The following MXI1 variants were observed in gnomAD, a reference collection of about 807,000 sequenced individuals.
The protein encoded by MXI1 is max-interacting protein 1.
Under a neutral mutation model 36.9 loss-of-function variants are expected in MXI1, and 18 were observed. That is an observed-to-expected ratio of 0.49 (90% CI 0.34 to 0.72). The LOEUF (loss-of-function observed/expected upper bound fraction) is 0.72, where lower values mean the gene tolerates loss of function less well. Ranked by LOEUF, MXI1 falls within the 30% of genes least tolerant of loss-of-function variation. MXI1 has a pLI of 0.01. For missense variants in MXI1, 304 were observed against 379.1 expected (o/e 0.80, Z 1.64); for synonymous variants, 160 against 146.7 (o/e 1.09, Z -0.65).
intron 3 of MXI1, among the ~76,000 whole-genome samples, chr10:110,256,775 G>C (rs576893096): frequency 1.3e-5 from 2 of 152,210 alleles, no homozygotes; most frequent in Admixed American, 1.3e-4. Context: ...CATCATACCA[G>C]TTACCACTGA....
intron 1 of MXI1, among the ~76,000 whole-genome samples, chr10:110,223,735 G>A (rs1482329317): frequency 6.6e-6 from 1 of 151,754 alleles, no homozygotes; most frequent in Non-Finnish European, 1.5e-5. Context: ...CAGTGGGAAA[G>A]TCCAGATCCA....
intron 3 of MXI1, among the ~76,000 whole-genome samples, chr10:110,270,113 A>ATCC (rs1228837767): frequency 2.0e-5 from 3 of 152,238 alleles, no homozygotes; most frequent in African/African-American, 7.2e-5. Context: ...AGACCCCTGG[A>ATCC]AAGTTGCCAA....
intron 3 of MXI1, among the ~76,000 whole-genome samples, chr10:110,277,018 A>T (rs1420782547): frequency 1.3e-5 from 2 of 151,626 alleles, no homozygotes; most frequent in Non-Finnish European, 2.9e-5. Context: ...GCTAACTTTT[A>T]TATTTTTAGT....
intron 1 of MXI1, among the ~76,000 whole-genome samples, chr10:110,220,632 G>C (rs891825449): frequency 2.0e-5 from 3 of 152,210 alleles, no homozygotes; most frequent in Non-Finnish European, 4.4e-5. Context: ...GGGTTACCCA[G>C]GGCTTTGGCA....
chr10:110,234,415 G>T (rs1855384373), intron 2 of MXI1, among the ~76,000 whole-genome samples: 1 of 151,682 alleles, frequency 6.6e-6, no homozygotes, highest in Non-Finnish European at 1.5e-5. Context: ...TTTTTGTTTT[G>T]GTTTCCTACA....
chr10:110,263,672 A>G (rs1463096958), intron 3 of MXI1, among the ~76,000 whole-genome samples: 1 of 152,196 alleles, frequency 6.6e-6, no homozygotes, highest in African/African-American at 2.4e-5. Flanking sequence ...AAATAGCTCT[A>G]TAATTTGATA....
At chr10:110,251,440 T>C (rs1166793578) in intron 3 of MXI1, among the ~76,000 whole-genome samples, 1 of 152,116 alleles carries the variant, frequency 6.6e-6, no homozygotes, top group Non-Finnish European at 1.5e-5. Context: ...TTGGTATTTA[T>C]ATTTCACCTT....
intron 3 of MXI1, among the ~76,000 whole-genome samples, chr10:110,254,331 C>T (rs1028660601): frequency 6.6e-6 from 1 of 152,076 alleles, no homozygotes; most frequent in African/African-American, 2.4e-5. Flanking sequence ...ATATAAGATG[C>T]AGACTTAATA....
chr10:110,211,925 T>C (rs574613647), intron 1 of MXI1, among the ~76,000 whole-genome samples: 25 of 152,346 alleles, frequency 1.6e-4, no homozygotes, highest in Admixed American at 6.5e-4. Flanking sequence ...ATCACCTATA[T>C]GCATTTTGAG....
intron 2 of MXI1, among the ~76,000 whole-genome samples, chr10:110,243,565 T>C (rs1171382685): frequency 6.6e-6 from 1 of 152,128 alleles, no homozygotes; most frequent in Non-Finnish European, 1.5e-5. Flanking sequence ...GCATTTGACA[T>C]TAACCAGAAT....
chr10:110,244,715 G>T, intron 2 of MXI1, 113 bp from the exon 3 acceptor site: 1 of 758,986 alleles, frequency 1.3e-6, no homozygotes, highest in Non-Finnish European at 2.2e-6. Flanking sequence ...GTCTGACCAT[G>T]TGTTGCATTG....
rs540965755 is a variant in MXI1 at position 110,250,459 on chromosome 10, A to G, written c.437+5602A>G. Among the ~76,000 whole-genome samples, 99 of 152,326 alleles carry G rather than the reference A, an allele frequency of 6.5e-4. 1 individual carries two copies. Among genetic ancestry groups the G allele is most frequent in the African/African-American group, 2.2e-3 (92 of 41,582 alleles). On this transcript the variant is annotated intron_variant, in intron 3 of 5. Transcript: ENST00000332674. Reference sequence around the variant, plus strand: ...TCCTTTGCCAGATAAGACACAATTCAGTATCAGTACAGATTTTAGATTGCC... The same window carrying G: ...TCCTTTGCCAGATAAGACACAATTCGGTATCAGTACAGATTTTAGATTGCC...
At chr10:110,244,931 T>G in intron 3 of MXI1, 74 bp downstream of exon 3, 1 of 1,400,024 alleles carries the variant, frequency 7.1e-7, no homozygotes, top group Non-Finnish European at 9.9e-7. Flanking sequence ...GAAAATAATG[T>G]AATAGTGCAT....
chr10:110,241,559 C>T (rs796463894), intron 2 of MXI1, among the ~76,000 whole-genome samples: 12 of 151,928 alleles, frequency 7.9e-5, no homozygotes, highest in African/African-American at 2.7e-4. Context: ...AGGCATCTCT[C>T]TCTGTAATAT....
intron 2 of MXI1, among the ~76,000 whole-genome samples, chr10:110,240,745 T>C (rs1484189737): frequency 1.3e-5 from 2 of 152,002 alleles, no homozygotes; most frequent in Non-Finnish European, 2.9e-5. Context: ...AGGATACCAG[T>C]TAGTTAGAAT....
chr10:110,211,227 A>C (rs1004956857), intron 1 of MXI1, among the ~76,000 whole-genome samples: 1 of 151,942 alleles, frequency 6.6e-6, no homozygotes, highest in Admixed American at 6.6e-5. Context: ...CTAGAGACAC[A>C]TGGTTTCCAC....
intron 3 of MXI1, chr10:110,257,177 T>C (rs986593279): frequency 6.6e-6 from 1 of 152,322 alleles, no homozygotes; most frequent in Non-Finnish European, 1.5e-5. Flanking sequence ...AAAAAGATGA[T>C]ATTGTAGATA....
At position 110,215,038 on chromosome 10, in the gene MXI1, TTTTTG is replaced by T. The variant is rs1425648191; in HGVS notation, c.274+6961_274+6965del. On this transcript the variant is annotated intron_variant, in intron 1 of 5. Coordinates refer to ENST00000332674, the MANE Select transcript of MXI1 (RefSeq NM_130439.3). The stretch of plus-strand genomic sequence containing the variant: ...TCTTTCTGCTCCACTTCAGTTTTTT[TTTTTG>T]TTTTTTTTTTTTTTTTGAGATGGAG... Among the ~76,000 whole-genome samples, 10 of 76,834 alleles carry T rather than the reference TTTTTG, an allele frequency of 1.3e-4. No homozygotes were observed. The South Asian group carries it at 3.0e-3, about 23-fold the overall frequency. The allele number at this position is 76,834 out of a possible 152,430, so 50.4% of individuals were successfully genotyped here.
chr10:110,217,173 T>C (rs1854673445), intron 1 of MXI1, among the ~76,000 whole-genome samples: 2 of 152,162 alleles, frequency 1.3e-5, no homozygotes. Flanking sequence ...TACAACATGC[T>C]CTTGGCCACA....
Sources: gnomAD v4.1 joint callset for allele counts (sites outside exome capture counted in the v4.1 genomes callset) on GRCh38, gnomAD v4.1.1 for gene constraint, MANE v1.5 for transcripts, NCBI Gene and HGNC (gene_info 2026-07-23, HGNC 2026-07-21) for gene names.